TCF20: variants seen among roughly 807,000 people sequenced by gnomAD.
The protein encoded by TCF20 is SPRE-binding protein.
TCF20 carries 3 observed loss-of-function variants against 148.6 expected under a neutral mutation model. That is an observed-to-expected ratio of 0.02 (90% CI 0.01 to 0.05). TCF20 has a LOEUF of 0.05. Among genes scored for constraint, TCF20 ranks in the 10% least tolerant of loss-of-function variants. The probability of loss-of-function intolerance (pLI) is 1.00; values close to 1 mark genes in which losing one functional copy is unlikely to be tolerated. For missense variants in TCF20, 2,350 were observed against 2,429.3 expected (o/e 0.97, Z 0.69); for synonymous variants, 1,049 against 909.5 (o/e 1.15, Z -2.76).
rs1927112823 is a variant in TCF20 at position 42,290,445 on chromosome 22, A to T, written c.-37+53034T>A. Among the ~76,000 whole-genome samples the T allele has an allele frequency of 6.6e-6, 1 of 152,178 alleles. No individual in the cohort carries two copies. The highest frequency in any genetic ancestry group is 2.4e-5 in the African/African-American group (1 of 41,440). ...AAAATATAAAAACCCCAGTGAAGGG[A>T]GGCTGGGTCAGCTGTGGGTGTGACC... On this transcript the variant is annotated intron_variant, in intron 1 of 1. Transcript: ENST00000515426. The surrounding 1 kb of genome is among the most constrained non-coding windows in gnomAD (Gnocchi z 4.2).
chr22:42,232,818 A>C (rs993200566), intron 1 of TCF20, among the ~76,000 whole-genome samples: 3 of 152,112 alleles, frequency 2.0e-5, no homozygotes, highest in African/African-American at 4.8e-5. Context: ...AAAAAAAAAA[A>C]AAAACTAGTT....
intron 1 of TCF20, among the ~76,000 whole-genome samples, chr22:42,326,878 G>A (rs1227566267): frequency 1.3e-5 from 2 of 152,350 alleles, no homozygotes; most frequent in East Asian, 3.9e-4. Flanking sequence ...CGGAGCGCTG[G>A]GCACAAGCAC....
At chr22:42,263,937 A>G (rs1926150508) in intron 1 of TCF20, among the ~76,000 whole-genome samples, 1 of 152,184 alleles carries the variant, frequency 6.6e-6, no homozygotes, top group South Asian at 2.1e-4. Flanking sequence ...GTAAATGACC[A>G]GCCTCTTGGC....
Position 42,322,915 on chromosome 22 carries a change from G to GT in TCF20, c.-37+20563dup, listed in dbSNP as rs1430752094. On this transcript the variant is annotated intron_variant, in intron 1 of 1. Transcript: ENST00000515426. ...CTGGTTTTTTTTTTGTTTGTTTTTCGTTTTTTTTGAGATGGAGTTTCACTC... is the reference window on the plus strand; with the variant it reads ...CTGGTTTTTTTTTTGTTTGTTTTTCGTTTTTTTTTGAGATGGAGTTTCACTC... 2.6e-4 allele frequency among the ~76,000 whole-genome samples: 39 copies of GT among 149,096 alleles called. 1 individual carries two copies. The highest frequency in any genetic ancestry group is 9.3e-4 in the African/African-American group (38 of 40,648).
At chr22:42,186,268 C>T (rs1316906852) in intron 2 of TCF20, among the ~76,000 whole-genome samples, 2 of 152,152 alleles carry the variant, frequency 1.3e-5, no homozygotes, top group African/African-American at 2.4e-5. Context: ...TGTCAGCACA[C>T]GTGTGAAAGC....
At chr22:42,324,635 T>A (rs1288258266) in intron 1 of TCF20, among the ~76,000 whole-genome samples, 2 of 149,768 alleles carry the variant, frequency 1.3e-5, no homozygotes, top group East Asian at 3.9e-4. Flanking sequence ...GAAAATAATC[T>A]CCACCATTCG....
In TCF20 at chr22:42,338,008, T is replaced by A. The variant is rs1928095224; in HGVS notation, c.-37+5471A>T. Among the ~76,000 whole-genome samples the A allele has an allele frequency of 6.6e-6, 1 of 152,156 alleles. No individual in the cohort carries two copies. Among genetic ancestry groups the A allele is most frequent in the African/African-American group, 2.4e-5 (1 of 41,448 alleles). On this transcript the variant is annotated intron_variant, in intron 1 of 1. Transcript: ENST00000515426. The surrounding 1 kb of genome is among the most constrained non-coding windows in gnomAD (Gnocchi z 4.0). ...CTTTGACGGGCTCAGATGGGCCACA[T>A]GCCCCTTTCTCCACCAGTCACTGTG...
At chr22:42,181,784 A>C (rs1411614337) in intron 2 of TCF20, among the ~76,000 whole-genome samples, 6 of 151,668 alleles carry the variant, frequency 4.0e-5, no homozygotes, top group Admixed American at 1.3e-4. Flanking sequence ...TTTTTCAAAA[A>C]ATGTTTTTGT....
intron 1 of TCF20, among the ~76,000 whole-genome samples, chr22:42,294,118 TC>T (rs1036098826): frequency 3.9e-5 from 6 of 152,038 alleles, no homozygotes; most frequent in Admixed American, 3.9e-4. Flanking sequence ...AGTGGGAACA[TC>T]CCCGCAGGGC....
intron 1 of TCF20, among the ~76,000 whole-genome samples, chr22:42,333,520 A>C (rs1342315619): frequency 6.6e-6 from 1 of 152,236 alleles, no homozygotes; most frequent in African/African-American, 2.4e-5. Flanking sequence ...TCTGGCTTCC[A>C]CCACACCTTG....
At position 42,292,414 on chromosome 22, in the gene TCF20, G is replaced by A. The variant is rs1927149400; in HGVS notation, c.-37+51065C>T. ...CCCTGCAGTCCCCAAACATGGTTCT[G>A]TGCCCTGGACTCACTTGACAGATGA... On this transcript the variant is annotated intron_variant, in intron 1 of 1. Coordinates refer to the TCF20 transcript ENST00000515426. The surrounding 1 kb of genome is among the most constrained non-coding windows in gnomAD (Gnocchi z 4.9). Among the ~76,000 whole-genome samples the A allele has an allele frequency of 6.6e-6, 1 of 152,188 alleles. No homozygotes were observed. The highest frequency in any genetic ancestry group is 1.5e-5 in the Non-Finnish European group (1 of 68,028).
At chr22:42,241,568 T>C (rs1424392755) in intron 1 of TCF20, among the ~76,000 whole-genome samples, 1 of 152,180 alleles carries the variant, frequency 6.6e-6, no homozygotes, top group Non-Finnish European at 1.5e-5. Context: ...GGCTCATACT[T>C]GTAATTCCAG....
intron 1 of TCF20, among the ~76,000 whole-genome samples, chr22:42,340,978 G>A (rs142367256): frequency 0.038 from 5,739 of 151,018 alleles, 158 homozygotes; most frequent in Non-Finnish European, 0.054. Flanking sequence ...GAAGCTGGCA[G>A]TGTCAGCCTG....
intron 1 of TCF20, among the ~76,000 whole-genome samples, chr22:42,248,945 T>TTG (rs879510649): frequency 2.6e-5 from 4 of 152,138 alleles, no homozygotes; most frequent in Non-Finnish European, 4.4e-5. Context: ...AAGCACTGTG[T>TTG]TGTGTGTGTG....
At chr22:42,339,204 T>C (rs769481290) in intron 1 of TCF20, among the ~76,000 whole-genome samples, 24 of 152,198 alleles carry the variant, frequency 1.6e-4, no homozygotes, top group Non-Finnish European at 2.5e-4. Context: ...TCACACAAGG[T>C]GGGCACTTAC....
At chr22:42,334,516 T>C (rs1421622596) in intron 1 of TCF20, among the ~76,000 whole-genome samples, 2 of 152,220 alleles carry the variant, frequency 1.3e-5, no homozygotes, top group Admixed American at 1.3e-4. Flanking sequence ...CTGCAGCCAC[T>C]GTTCTAGGAG....
chr22:42,313,852 G>A (rs570219547), intron 1 of TCF20, among the ~76,000 whole-genome samples: 91 of 152,082 alleles, frequency 6.0e-4, no homozygotes, highest in Non-Finnish European at 1.1e-3. Context: ...TGCCCGCCTC[G>A]GCCTCCCAAA....
In TCF20 at chr22:42,323,448, C is replaced by T. The variant is rs560973646; in HGVS notation, c.-37+20031G>A. ...ATTAGCATCACAGGGAAGGGGGCAC[C>T]TGTCAGCTGAGGGAACAGGAGGACG... On this transcript the variant is annotated intron_variant, in intron 1 of 1. Coordinates refer to the TCF20 transcript ENST00000515426. 1.2e-4 allele frequency among the ~76,000 whole-genome samples: 18 copies of T among 151,860 alleles called. 1 individual carries two copies. In the South Asian group the frequency reaches 3.7e-3, roughly 31 times the overall value.
chr22:42,226,687 T>G (rs1922931300), intron 1 of TCF20, among the ~76,000 whole-genome samples: 1 of 152,148 alleles, frequency 6.6e-6, no homozygotes, highest in Non-Finnish European at 1.5e-5. Context: ...CCAGCGTGGG[T>G]GACAGAGTGA....
Sources: allele counts gnomAD v4.1 joint callset (sites outside exome capture counted in the v4.1 genomes callset), GRCh38; gene constraint gnomAD v4.1.1; non-coding constraint Gnocchi (gnomAD v3.1); transcripts MANE v1.5; gene names NCBI Gene and HGNC (gene_info 2026-07-23, HGNC 2026-07-21).